Variants in GPATCH2 observed in about 807,000 individuals in gnomAD.
GPATCH2 encodes G patch domain-containing protein 2.
GPATCH2 carries 51 observed loss-of-function variants against 58.0 expected under a neutral mutation model. The observed-to-expected ratio is 0.88, with a 90% CI of 0.70 to 1.11. GPATCH2 has a LOEUF of 1.11. Among genes scored for constraint, GPATCH2 ranks in the 50% most tolerant of loss-of-function variants. The probability of loss-of-function intolerance (pLI) is 0.00; values close to 1 mark genes in which losing one functional copy is unlikely to be tolerated. For synonymous variants in GPATCH2, 222 were observed against 218.5 expected, an observed-to-expected ratio of 1.02 and a Z score of -0.14; for missense variants, 625 against 652.2, an observed-to-expected ratio of 0.96 and a Z score of 0.45.
chr1:217,630,948 T>G lies in GPATCH2; in HGVS notation c.24A>C (p.Gln8His), dbSNP rs1373873809. 1.3e-5 allele frequency: 20 copies of G among 1,589,292 alleles called. No individual in the cohort carries two copies. The highest frequency in any genetic ancestry group is 1.4e-5 in the Non-Finnish European group (17 of 1,173,090). The change falls in exon 1 of 10, where the codon CAA (glutamine) becomes CAC (histidine). Residue 8 changes from glutamine to histidine, a missense_variant. Gln to His is a conservative substitution (Grantham distance 24, BLOSUM62 0). Coordinates refer to ENST00000366935, the MANE Select transcript of GPATCH2 (RefSeq NM_018040.5). Reference protein sequence around the residue: MFGAAGRQPIGAPAAGNS... With the variant: MFGAAGRHPIGAPAAGNS... ...TCCCGGCTGCTGGAGCTCCGATCGG[T>G]TGGCGCCCGGCGGCCCCGAACATTA...
chr1:217,437,249 T>TC (rs1044856858), intron 9 of GPATCH2, among the ~76,000 whole-genome samples: 2 of 151,902 alleles, frequency 1.3e-5, no homozygotes, highest in Middle Eastern at 3.4e-3. Flanking sequence ...GACCATGAGA[T>TC]CCCCCCGGGT....
intron 5 of GPATCH2, among the ~76,000 whole-genome samples, chr1:217,539,843 T>C (rs1052950245): frequency 2.6e-5 from 4 of 152,154 alleles, no homozygotes; most frequent in Non-Finnish European, 5.9e-5. Flanking sequence ...TAGATAACCC[T>C]GAAAGACTTG....
intron 5 of GPATCH2, among the ~76,000 whole-genome samples, chr1:217,554,126 G>A (rs566181053): frequency 5.9e-5 from 9 of 152,340 alleles, no homozygotes; most frequent in African/African-American, 2.2e-4. Context: ...AGTAAAGTGG[G>A]TGACAACAGA....
chr1:217,606,464 A>G (rs1668365366), intron 5 of GPATCH2, among the ~76,000 whole-genome samples: 1 of 152,180 alleles, frequency 6.6e-6, no homozygotes, highest in African/African-American at 2.4e-5. Context: ...AATTTTATAT[A>G]AAATATGAAC....
intron 8 of GPATCH2, among the ~76,000 whole-genome samples, chr1:217,454,601 A>C (rs1268467583): frequency 2.0e-5 from 3 of 150,360 alleles, no homozygotes; most frequent in Non-Finnish European, 4.4e-5. Context: ...AAAAAAAAAA[A>C]AAAAAAAAAC....
intron 9 of GPATCH2, among the ~76,000 whole-genome samples, chr1:217,443,264 G>A (rs564613716): frequency 1.1e-4 from 17 of 152,216 alleles, no homozygotes; most frequent in Non-Finnish European, 1.9e-4. Flanking sequence ...TATCCGAAAT[G>A]ACTTTATTTC....
intron 5 of GPATCH2, among the ~76,000 whole-genome samples, chr1:217,553,827 A>G (rs906608344): frequency 8.5e-5 from 13 of 152,238 alleles, no homozygotes; most frequent in African/African-American, 3.1e-4. Flanking sequence ...GCATTTTTAC[A>G]TAACTGAAAA....
chr1:217,457,829 A>G (rs1431392778), intron 8 of GPATCH2, among the ~76,000 whole-genome samples: 8 of 152,180 alleles, frequency 5.3e-5, no homozygotes, highest in Admixed American at 2.0e-4. Flanking sequence ...CAAAAACTCA[A>G]TTAAAACTCA....
intron 1 of GPATCH2, among the ~76,000 whole-genome samples, chr1:217,630,350 CA>C (rs1391898615): frequency 6.6e-6 from 1 of 152,172 alleles, no homozygotes; most frequent in Non-Finnish European, 1.5e-5. Flanking sequence ...AGTCAAGCCC[CA>C]AACTTAATCC....
rs542768073 is a variant in GPATCH2 at position 217,625,211 on chromosome 1, G to C, written c.57-4712C>G. Among the ~76,000 whole-genome samples, 50 of 152,186 alleles carry C rather than the reference G, an allele frequency of 3.3e-4. 2 individuals carry two copies. Among genetic ancestry groups the C allele is most frequent in the African/African-American group, 1.0e-3 (43 of 41,534 alleles). ...TTCCTGATCTATTCTAATAAATTCA[G>C]GCTCTAATAAATTCAGAAAAAGGCC... On this transcript the variant is annotated intron_variant, in intron 1 of 9. Coordinates refer to ENST00000366935, the MANE Select transcript of GPATCH2 (RefSeq NM_018040.5).
At position 217,519,080 on chromosome 1, in the gene GPATCH2, C is replaced by T. The variant is rs1426138158; in HGVS notation, c.1099-4191G>A. Among the ~76,000 whole-genome samples the T allele has an allele frequency of 2.0e-5, 3 of 152,128 alleles. No homozygotes were observed. The East Asian group carries it at 5.8e-4, about 29-fold the overall frequency. ...GTAAGATAATATTCTAAATGTTTTA[C>T]AATAATTCATTTTAATTAATAGACA... On this transcript the variant is annotated intron_variant, in intron 5 of 9. Transcript: ENST00000366935.
chr1:217,454,942 A>G (rs890267499), intron 8 of GPATCH2, among the ~76,000 whole-genome samples: 1 of 151,992 alleles, frequency 6.6e-6, no homozygotes, highest in Non-Finnish European at 1.5e-5. Context: ...CCTTGTTTTT[A>G]ATGGTGGTGT....
intron 5 of GPATCH2, among the ~76,000 whole-genome samples, chr1:217,532,147 G>A (rs1218093244): frequency 6.6e-6 from 1 of 152,202 alleles, no homozygotes; most frequent in African/African-American, 2.4e-5. Context: ...CAAGTGCAGG[G>A]GTACTGTTTT....
intron 7 of GPATCH2, among the ~76,000 whole-genome samples, chr1:217,497,857 A>C (rs950934554): frequency 6.6e-6 from 1 of 152,192 alleles, no homozygotes; most frequent in Non-Finnish European, 1.5e-5. Context: ...ATGAATGTCA[A>C]CTTCTCACTG....
In GPATCH2 at chr1:217,429,236, T is replaced by C. The variant is rs1260164513; in HGVS notation, c.*1909A>G. On this transcript the variant is annotated 3_prime_UTR_variant, in exon 10 of 10. Transcript: ENST00000366935. ...ATTTAGAAAATATCAGTTAAAAAAATGGCAAATTTGTAAGTAAAAAACTTG... is the reference window on the plus strand; with the variant it reads ...ATTTAGAAAATATCAGTTAAAAAAACGGCAAATTTGTAAGTAAAAAACTTG... The C allele has an allele frequency of 6.6e-6, 1 of 152,094 alleles. No homozygotes were observed. 9.4% of individuals were successfully genotyped at this position (152,094 alleles called of 1,614,324 possible).
rs113649313 is a variant in GPATCH2 at position 217,539,987 on chromosome 1, G to A, written c.1099-25098C>T. On this transcript the variant is annotated intron_variant, in intron 5 of 9. Transcript: ENST00000366935. ...CACTTAGTTTTGAGTTAATAGGTTGGACATAAAAATTGCCTATGATAAACA... is the reference window on the plus strand; with the variant it reads ...CACTTAGTTTTGAGTTAATAGGTTGAACATAAAAATTGCCTATGATAAACA... Among the ~76,000 whole-genome samples the A allele has an allele frequency of 3.2e-3, 483 of 152,152 alleles. 2 individuals carry two copies. The highest frequency in any genetic ancestry group is 0.011 in the African/African-American group (462 of 41,516).
chr1:217,506,604 C>A (rs1662577566), intron 6 of GPATCH2, among the ~76,000 whole-genome samples: 1 of 152,096 alleles, frequency 6.6e-6, no homozygotes. Flanking sequence ...TTCATTCATA[C>A]CAAGGGAACA....
intron 5 of GPATCH2, among the ~76,000 whole-genome samples, chr1:217,539,657 T>C (rs950856647): frequency 6.6e-6 from 1 of 152,220 alleles, no homozygotes; most frequent in African/African-American, 2.4e-5. Flanking sequence ...AATCAGTTCT[T>C]TTGATCTTTA....
intron 3 of GPATCH2, among the ~76,000 whole-genome samples, chr1:217,613,557 A>G (rs549705969): frequency 1.3e-5 from 2 of 152,202 alleles, no homozygotes; most frequent in South Asian, 4.1e-4. Context: ...CTGCTCCCTT[A>G]TTAAGGTTTT....
Sources: allele counts gnomAD v4.1 joint callset (sites outside exome capture counted in the v4.1 genomes callset), GRCh38; gene constraint gnomAD v4.1.1; transcripts MANE v1.5; gene names NCBI Gene and HGNC (gene_info 2026-07-23, HGNC 2026-07-21).